The following DLC1 variants were observed in gnomAD, a reference collection of about 807,000 sequenced individuals.
DLC1 encodes the protein rho GTPase-activating protein 7.
Under a neutral mutation model 140.3 loss-of-function variants are expected in DLC1, and 54 were observed. That is an observed-to-expected ratio of 0.38 (90% CI 0.31 to 0.48). The LOEUF (loss-of-function observed/expected upper bound fraction) is 0.48. DLC1 is among the 20% of genes least tolerant of loss of function. The pLI is 0.96. For synonymous variants in DLC1, 986 were observed against 728.1 expected (o/e 1.35, Z -5.70); for missense variants, 2,536 against 1,907.0 (o/e 1.33, Z -6.14).
chr8:13,184,314 C>T (rs1397265842), intron 5 of DLC1, among the ~76,000 whole-genome samples: 3 of 150,844 alleles, frequency 2.0e-5, no homozygotes, highest in Non-Finnish European at 3.0e-5. Flanking sequence ...TCTCTATCTC[C>T]TTTAGTTATT....
In DLC1 at chr8:13,085,183, A is replaced by G. The variant is rs1287938625; in HGVS notation, c.*628T>C. ...TAACTTCGAAAAAAAATACCCATAA[A>G]TGGACAAGGGTGTTGGGCCCCCTTT... On this transcript the variant is annotated 3_prime_UTR_variant, in exon 18 of 18. Coordinates refer to ENST00000276297, the MANE Select transcript of DLC1 (RefSeq NM_182643.3). 1 of 152,450 alleles carries G rather than the reference A, an allele frequency of 6.6e-6. No individual in the cohort carries two copies. The highest frequency in any genetic ancestry group is 1.9e-4 in the East Asian group (1 of 5,200). 9.4% of individuals were successfully genotyped at this position (152,450 alleles called of 1,614,324 possible).
At chr8:13,125,245 G>A (rs919365980) in intron 5 of DLC1, among the ~76,000 whole-genome samples, 1 of 152,104 alleles carries the variant, frequency 6.6e-6, no homozygotes, top group African/African-American at 2.4e-5. Context: ...CCAAAGTGCT[G>A]GGATTACAGG....
chr8:13,115,732 G>A (rs750001560), intron 5 of DLC1, 75 bp from the exon 6 acceptor site: 80 of 1,410,456 alleles, frequency 5.7e-5, no homozygotes, highest in Admixed American at 3.0e-4. Flanking sequence ...ATAAGCTTTC[G>A]TTTTATGATA....
At chr8:13,397,358 G>C (rs1052488301) in intron 3 of DLC1, among the ~76,000 whole-genome samples, 1 of 152,128 alleles carries the variant, frequency 6.6e-6, no homozygotes, top group Non-Finnish European at 1.5e-5. Context: ...GAAAGCAACT[G>C]TTGAAGAATA....
chr8:13,175,069 T>G (rs1825685057), intron 5 of DLC1, among the ~76,000 whole-genome samples: 1 of 152,180 alleles, frequency 6.6e-6, no homozygotes, highest in Non-Finnish European at 1.5e-5. Context: ...GGTCCATTCT[T>G]CTGCATACGG....
At chr8:13,376,632 G>C (rs969323173) in intron 4 of DLC1, among the ~76,000 whole-genome samples, 6 of 152,170 alleles carry the variant, frequency 3.9e-5, no homozygotes, top group African/African-American at 1.4e-4. Context: ...TGATTTTTTG[G>C]ATTTATAAGT....
intron 4 of DLC1, among the ~76,000 whole-genome samples, chr8:13,382,302 T>G (rs1836302104): frequency 6.6e-6 from 1 of 150,994 alleles, no homozygotes. Flanking sequence ...GGTCAGGAGA[T>G]CGAGACCATC....
At chr8:13,482,039 C>G (rs974743706) in intron 2 of DLC1, among the ~76,000 whole-genome samples, 1 of 152,182 alleles carries the variant, frequency 6.6e-6, no homozygotes, top group African/African-American at 2.4e-5. Context: ...ATTGAAGGAG[C>G]TAACCCTGCC....
chr8:13,386,231 C>T (rs1170902960), intron 4 of DLC1, among the ~76,000 whole-genome samples: 1 of 152,126 alleles, frequency 6.6e-6, no homozygotes, highest in East Asian at 1.9e-4. Flanking sequence ...ATTTCTTATG[C>T]TATTAATCTA....
At chr8:13,453,988 T>C (rs947340754) in intron 2 of DLC1, among the ~76,000 whole-genome samples, 2 of 152,168 alleles carry the variant, frequency 1.3e-5, no homozygotes, top group African/African-American at 4.8e-5. Context: ...TCTTACTATA[T>C]GTGCCAAGGC....
chr8:13,161,676 G>A (rs556068101), intron 5 of DLC1, among the ~76,000 whole-genome samples: 1 of 152,204 alleles, frequency 6.6e-6, no homozygotes, highest in East Asian at 1.9e-4. Flanking sequence ...TGGTTTGAGG[G>A]TGACTGGTTT....
At chr8:13,236,278 G>C (rs574486247) in intron 5 of DLC1, among the ~76,000 whole-genome samples, 1 of 152,032 alleles carries the variant, frequency 6.6e-6, no homozygotes, top group Admixed American at 6.6e-5. Context: ...ATTTTCTATA[G>C]ACTTTAACGA....
chr8:13,370,195 T>C (rs1189453602), intron 4 of DLC1, among the ~76,000 whole-genome samples: 1 of 152,020 alleles, frequency 6.6e-6, no homozygotes, highest in African/African-American at 2.4e-5. Flanking sequence ...CTAGAGCATA[T>C]CATTAGTAAA....
intron 2 of DLC1, among the ~76,000 whole-genome samples, chr8:13,437,868 C>A (rs762535657): frequency 3.9e-5 from 6 of 152,072 alleles, no homozygotes; most frequent in Non-Finnish European, 8.8e-5. Context: ...GATGCTGACA[C>A]AGCTTCTAAG....
chr8:13,501,538 C>T (rs764574371), intron 1 of DLC1, among the ~76,000 whole-genome samples: 31 of 152,170 alleles, frequency 2.0e-4, no homozygotes, highest in Non-Finnish European at 2.8e-4. Flanking sequence ...TACTGATTTT[C>T]GATCTCTTTA....
chr8:13,567,378 GAT>G, intron 1 of DLC1: 1 of 1,551,702 alleles, frequency 6.4e-7, no homozygotes, highest in Non-Finnish European at 8.7e-7. Flanking sequence ...GCACCATGAA[GAT>G]AAATTTGATT....
At chr8:13,603,889 A>G (rs891228592) in intron 1 of DLC1, among the ~76,000 whole-genome samples, 3 of 152,224 alleles carry the variant, frequency 2.0e-5, no homozygotes, top group African/African-American at 4.8e-5. Context: ...CTTTGAGAAT[A>G]TAAGCTTGGT....
In DLC1 at chr8:13,091,309, A is replaced by C. The variant is rs551074291; in HGVS notation, c.3855+9T>G. 5.0e-6 allele frequency: 8 copies of C among 1,613,702 alleles called. No individual in the cohort carries two copies. ...CTTAATAAAGGAGCCAAACTTCTCA[A>C]TTCCTTACCTGGAAAAGCTTCTTGC... On this transcript the variant is annotated intron_variant, in intron 14 of 17. Transcript: ENST00000276297.
At chr8:13,539,750 A>ATGTTTGTG (rs148540656) in intron 1 of DLC1, among the ~76,000 whole-genome samples, 14 of 147,176 alleles carry the variant, frequency 9.5e-5, no homozygotes. Context: ...ATGTGTGTGT[A>ATGTTTGTG]TGTGTGTGTG....
Sources: gnomAD v4.1 joint callset for allele counts (sites outside exome capture counted in the v4.1 genomes callset) on GRCh38, gnomAD v4.1.1 for gene constraint, MANE v1.5 for transcripts, NCBI Gene and HGNC (gene_info 2026-07-23, HGNC 2026-07-21) for gene names.